The following SYT1 variants were observed in gnomAD, a reference collection of about 807,000 sequenced individuals.
SYT1 encodes the protein synaptotagmin 1.
A neutral mutation model predicts 44.8 loss-of-function variants in SYT1; 8 were observed. The ratio of observed to expected loss-of-function variants is 0.18; its 90% CI spans 0.10 to 0.32. The LOEUF (loss-of-function observed/expected upper bound fraction) is 0.32, where lower values mean the gene tolerates loss of function less well. Among genes scored for constraint, SYT1 ranks in the 10% least tolerant of loss-of-function variants. SYT1 has a pLI of 1.00. For missense variants in SYT1, 286 were observed against 509.3 expected, an observed-to-expected ratio of 0.56 and a Z score of 4.22; for synonymous variants, 154 against 188.8, an observed-to-expected ratio of 0.82 and a Z score of 1.51.
At chr12:78,895,117 C>T (rs961069866) in intron 1 of SYT1, among the ~76,000 whole-genome samples, 17 of 151,480 alleles carry the variant, frequency 1.1e-4, no homozygotes, top group Admixed American at 2.6e-4. Flanking sequence ...ATGTATTCTC[C>T]GTTGAGGTTT....
intron 5 of SYT1, among the ~76,000 whole-genome samples, chr12:79,290,228 A>T (rs761583850): frequency 3.3e-5 from 5 of 152,198 alleles, no homozygotes; most frequent in South Asian, 4.1e-4. Context: ...TTCTGTTTAT[A>T]TGACCTTCCC....
At chr12:78,935,185 A>G (rs1877984590) in intron 1 of SYT1, among the ~76,000 whole-genome samples, 2 of 152,166 alleles carry the variant, frequency 1.3e-5, no homozygotes, top group Non-Finnish European at 2.9e-5. Context: ...GTGTCTGGAG[A>G]TGGCTGCAGA....
intron 3 of SYT1, among the ~76,000 whole-genome samples, chr12:79,093,902 G>T (rs1417962973): frequency 6.6e-6 from 1 of 151,440 alleles, no homozygotes; most frequent in Non-Finnish European, 1.5e-5. Flanking sequence ...AAACAATCTT[G>T]AACTGGCATT....
rs192479096 is a variant in SYT1, at chr12:79,259,995, C to T, written c.167-25792C>T. ...TCTTATGAAAAAATTCAGTGTAGAA[C>T]CTATAATTTAGCTGCGATTGTTCTC... On this transcript the variant is annotated intron_variant, in intron 4 of 10. Transcript: ENST00000261205. 3.9e-4 allele frequency among the ~76,000 whole-genome samples: 59 copies of T among 152,148 alleles called. 1 individual carries two copies. In the Middle Eastern group the frequency reaches 0.01, roughly 26 times the overall value.
intron 8 of SYT1, among the ~76,000 whole-genome samples, chr12:79,332,648 A>T (rs1881906394): frequency 6.6e-6 from 1 of 152,216 alleles, no homozygotes; most frequent in Non-Finnish European, 1.5e-5. Context: ...AGAAAGTATG[A>T]GTTTAATGTA....
intron 1 of SYT1, among the ~76,000 whole-genome samples, chr12:78,941,065 C>CTTTTTTTTTTTTTTTTTTT (rs398044555): frequency 4.8e-4 from 33 of 68,446 alleles, no homozygotes; most frequent in East Asian, 8.4e-4. Flanking sequence ...CTTTTTTTTT[C>CTTTTTTTTTTTTTTTTTTT]TTTTTTTTTT....
At chr12:78,866,219 A>G (rs1565692819) in intron 1 of SYT1, among the ~76,000 whole-genome samples, 1 of 152,256 alleles carries the variant, frequency 6.6e-6, no homozygotes, top group East Asian at 1.9e-4. Flanking sequence ...TTTGCATTTT[A>G]TTGTCTGGAT....
rs190771335 is a variant in SYT1, at chr12:79,112,157, A to G, written c.-18+64795A>G. ...CAGCCTTAATACAATATGCTAGTAC[A>G]TGAGGAATTTAAAAGAGGGGATTGT... is the stretch of plus-strand genomic sequence containing the variant. On this transcript the variant is annotated intron_variant, in intron 3 of 10. Transcript: ENST00000261205. 2.5e-3 allele frequency among the ~76,000 whole-genome samples: 384 copies of G among 152,208 alleles called. 4 individuals are homozygous for G. Among genetic ancestry groups the G allele is most frequent in the African/African-American group, 8.7e-3 (360 of 41,556 alleles).
At chr12:79,083,739 C>G (rs1230327224) in intron 3 of SYT1, among the ~76,000 whole-genome samples, 1 of 151,522 alleles carries the variant, frequency 6.6e-6, no homozygotes, top group African/African-American at 2.4e-5. Flanking sequence ...TAATATACAC[C>G]AACTTCAGCA....
At chr12:79,052,086 G>C (rs1874544179) in intron 3 of SYT1, among the ~76,000 whole-genome samples, 4 of 152,056 alleles carry the variant, frequency 2.6e-5, no homozygotes, top group Admixed American at 2.0e-4. Context: ...TAGCTTGATG[G>C]GGATGGCATT....
intron 4 of SYT1, among the ~76,000 whole-genome samples, chr12:79,234,757 C>G (rs1876086196): frequency 7.1e-6 from 1 of 140,766 alleles, no homozygotes; most frequent in African/African-American, 2.7e-5. Context: ...TGTCACCAGG[C>G]TGGAGTGCAG....
At chr12:78,930,717 A>G (rs1877585927) in intron 1 of SYT1, among the ~76,000 whole-genome samples, 1 of 151,656 alleles carries the variant, frequency 6.6e-6, no homozygotes, top group Non-Finnish European at 1.5e-5. Flanking sequence ...TTGCAAGCAA[A>G]ATTTGATCTA....
chr12:79,307,081 C>T (rs1880432484), intron 8 of SYT1, among the ~76,000 whole-genome samples: 1 of 152,114 alleles, frequency 6.6e-6, no homozygotes, highest in African/African-American at 2.4e-5. Context: ...GATGTTTTTA[C>T]CTTCTGTCTT....
chr12:78,899,340 G>A (rs1488893836), intron 1 of SYT1, among the ~76,000 whole-genome samples: 1 of 151,860 alleles, frequency 6.6e-6, no homozygotes, highest in Non-Finnish European at 1.5e-5. Flanking sequence ...TCTAAGAAAT[G>A]CAGAATGTCA....
At chr12:79,366,802 G>C (rs1010168271) in intron 9 of SYT1, among the ~76,000 whole-genome samples, 25 of 152,176 alleles carry the variant, frequency 1.6e-4, no homozygotes, top group African/African-American at 5.8e-4. Context: ...TTATTTCTAA[G>C]CAAAAGACAG....
intron 8 of SYT1, among the ~76,000 whole-genome samples, chr12:79,349,049 G>GAAAGAAAGAAAGAAAGAGAAAGAA (rs1565919980): frequency 8.1e-6 from 1 of 123,766 alleles, no homozygotes; most frequent in African/African-American, 3.0e-5. Flanking sequence ...AAGAAAGAAA[G>GAAAGAAAGAAAGAAAGAGAAAGAA]AAAGAAAGGA....
At chr12:79,447,592 C>T (rs1283455591) in intron 10 of SYT1, among the ~76,000 whole-genome samples, 1 of 152,162 alleles carries the variant, frequency 6.6e-6, no homozygotes, top group Non-Finnish European at 1.5e-5. Flanking sequence ...TCATGTCCCC[C>T]ACCCCATTCA....
chr12:79,174,178 G>A (rs1215235859), intron 3 of SYT1, among the ~76,000 whole-genome samples: 1 of 151,942 alleles, frequency 6.6e-6, no homozygotes, highest in African/African-American at 2.4e-5. Flanking sequence ...AATAGCAGAG[G>A]GTCATCACTG....
At chr12:79,207,608 A>G (rs767567667) in intron 3 of SYT1, among the ~76,000 whole-genome samples, 9 of 152,296 alleles carry the variant, frequency 5.9e-5, no homozygotes, top group Non-Finnish European at 1.0e-4. Flanking sequence ...GAGTGAGAAC[A>G]TGCAATGAAA....
Sources: allele counts gnomAD v4.1 joint callset (sites outside exome capture counted in the v4.1 genomes callset), GRCh38; gene constraint gnomAD v4.1.1; transcripts MANE v1.5; gene names NCBI Gene and HGNC (gene_info 2026-07-23, HGNC 2026-07-21).